PLXNA4: variants seen among roughly 807,000 people sequenced by gnomAD.
PLXNA4 encodes the protein plexin A4.
In PLXNA4, 44 loss-of-function variants were observed where a neutral mutation model predicts 191.8. The observed-to-expected ratio is 0.23, with a 90% CI of 0.18 to 0.29. The LOEUF (loss-of-function observed/expected upper bound fraction) is 0.29. PLXNA4 is among the 10% of genes least tolerant of loss of function. PLXNA4 has a pLI of 1.00. For missense variants in PLXNA4, 1,800 were observed against 2,488.8 expected, an observed-to-expected ratio of 0.72 and a Z score of 5.89; for synonymous variants, 1,082 against 1,009.5, an observed-to-expected ratio of 1.07 and a Z score of -1.36.
At chr7:132,636,681 T>C (rs777036439) in intron 2 of PLXNA4, among the ~76,000 whole-genome samples, 10 of 152,148 alleles carry the variant, frequency 6.6e-5, no homozygotes, top group Non-Finnish European at 1.3e-4. Flanking sequence ...AGATTTCATA[T>C]GATGCCACCC....
chr7:132,252,460 C>T (rs908122450), intron 4 of PLXNA4, among the ~76,000 whole-genome samples: 2 of 151,690 alleles, frequency 1.3e-5, no homozygotes, highest in African/African-American at 2.4e-5. Flanking sequence ...TACAGGTGCA[C>T]GCCACCACAC....
At chr7:132,579,366 T>C (rs1051488752), upstream of PLXNA4, among the ~76,000 whole-genome samples, 1 of 152,088 alleles carries the variant, frequency 6.6e-6, no homozygotes, top group African/African-American at 2.4e-5. Flanking sequence ...TTCTCAGTCA[T>C]TCTAGCATGT....
At chr7:132,334,609 T>C (rs1023406862) in intron 3 of PLXNA4, among the ~76,000 whole-genome samples, 3 of 152,116 alleles carry the variant, frequency 2.0e-5, no homozygotes, top group South Asian at 4.1e-4. Flanking sequence ...TCTGTGGTGA[T>C]TGCAAACAAT....
chr7:132,427,634 A>G (rs1040078797), intron 3 of PLXNA4, among the ~76,000 whole-genome samples: 2 of 152,162 alleles, frequency 1.3e-5, no homozygotes, highest in Non-Finnish European at 2.9e-5. Context: ...GGCTGGTGGA[A>G]AGAGCTCTGG....
At position 132,140,669 on chromosome 7, in the gene PLXNA4, C is replaced by T. The variant is rs187787425; in HGVS notation, c.5368G>A (p.Gly1790Ser). ...AGCTTGTTGGAGGGCGAGTCCTTGC[C>T]CAGCCGGTGCTCTGACGTGGAGCAA... ...DSCSTSEHRL[G>S]KDSPSNKLLY... The change falls in exon 30 of 32, where the codon GGC becomes AGC. Residue 1790 changes from glycine to serine, a missense_variant. Around this residue, in one of 6 missense-constraint regions of PLXNA4, gnomAD observed 101 missense variants for 182.8 expected, o/e 0.55. Coordinates refer to ENST00000321063, the MANE Select transcript of PLXNA4 (RefSeq NM_020911.2). 7.4e-6 allele frequency: 12 copies of T among 1,614,034 alleles called. No homozygotes were observed. Among genetic ancestry groups the T allele is most frequent in the African/African-American group, 1.3e-5 (1 of 75,002 alleles).
Position 132,192,134 on chromosome 7 carries a change from G to A in PLXNA4, c.2856+1928C>T, listed in dbSNP as rs1045699394. Among the ~76,000 whole-genome samples the A allele has an allele frequency of 4.7e-4, 71 of 152,140 alleles. 1 individual carries two copies. Among genetic ancestry groups the A allele is most frequent in the Non-Finnish European group, 1.9e-4 (13 of 68,032 alleles). On this transcript the variant is annotated intron_variant, in intron 14 of 31. Coordinates refer to ENST00000321063, the MANE Select transcript of PLXNA4 (RefSeq NM_020911.2). The stretch of plus-strand genomic sequence containing the variant: ...GCAGATGCAGGCCCAGTCATGGTGT[G>A]GCACGACACTCACGTTTCTCTAAGG...
intron 2 of PLXNA4, among the ~76,000 whole-genome samples, chr7:132,629,378 G>C (rs776152240): frequency 2.6e-5 from 4 of 152,222 alleles, no homozygotes; most frequent in Non-Finnish European, 5.9e-5. Context: ...ATGTAGACTT[G>C]TAAAGGGCAT....
chr7:132,149,824 C>T (rs543419270), intron 25 of PLXNA4, among the ~76,000 whole-genome samples: 2 of 152,318 alleles, frequency 1.3e-5, no homozygotes, highest in Admixed American at 6.5e-5. Flanking sequence ...TTCTCTTCCT[C>T]GTTTCCCTCC....
intron 2 of PLXNA4, among the ~76,000 whole-genome samples, chr7:132,635,222 C>T (rs931065725): frequency 6.8e-6 from 1 of 148,110 alleles, no homozygotes; most frequent in East Asian, 2.0e-4. Context: ...TTAGTTCTAT[C>T]GCTCTAGAGA....
At chr7:132,429,977 C>G (rs983994856) in intron 3 of PLXNA4, among the ~76,000 whole-genome samples, 3 of 152,164 alleles carry the variant, frequency 2.0e-5, no homozygotes, top group Non-Finnish European at 4.4e-5. Flanking sequence ...CCTAGATGGG[C>G]AAACAATCCC....
intron 3 of PLXNA4, among the ~76,000 whole-genome samples, chr7:132,367,446 G>A (rs1012500286): frequency 1.3e-5 from 2 of 152,012 alleles, no homozygotes; most frequent in South Asian, 2.1e-4. Context: ...GGCAGGGAAG[G>A]AGGGAGATAC....
rs114679597 is a variant in PLXNA4, at chr7:132,349,747, A to G, written c.1372-51525T>C. Among the ~76,000 whole-genome samples the G allele has an allele frequency of 7.7e-3, 1,175 of 152,200 alleles. 14 individuals carry two copies. Among genetic ancestry groups the G allele is most frequent in the African/African-American group, 0.027 (1,115 of 41,516 alleles). On this transcript the variant is annotated intron_variant, in intron 3 of 31. Coordinates refer to ENST00000321063, the MANE Select transcript of PLXNA4 (RefSeq NM_020911.2). ...AACCCCTCTTATATTGAGGATGGGT[A>G]TCCTGTTGCTTTTCACCCCTTGCTG... is the stretch of plus-strand genomic sequence containing the variant.
chr7:132,371,482 T>C (rs1804437714), intron 3 of PLXNA4, among the ~76,000 whole-genome samples: 1 of 152,182 alleles, frequency 6.6e-6, no homozygotes, highest in African/African-American at 2.4e-5. Context: ...CGCTTAGATG[T>C]AGGAGCATAT....
chr7:132,186,795 CA>C (rs1796892328), intron 15 of PLXNA4, among the ~76,000 whole-genome samples: 1 of 152,116 alleles, frequency 6.6e-6, no homozygotes. Context: ...AATTTTGTAA[CA>C]AAGATGATAA....
At chr7:132,578,428 G>A (rs1216128306), upstream of PLXNA4, among the ~76,000 whole-genome samples, 1 of 152,092 alleles carries the variant, frequency 6.6e-6, no homozygotes, top group Non-Finnish European at 1.5e-5. Flanking sequence ...AGAAACTCCC[G>A]CCCATTACTG....
intron 3 of PLXNA4, among the ~76,000 whole-genome samples, chr7:132,397,956 C>T (rs1793830630): frequency 6.6e-6 from 1 of 152,190 alleles, no homozygotes. Flanking sequence ...TCCATCACCC[C>T]AGGCTTTGCC....
At chr7:132,569,365 C>T (rs1801874447) in intron 1 of PLXNA4, among the ~76,000 whole-genome samples, 1 of 152,194 alleles carries the variant, frequency 6.6e-6, no homozygotes, top group Non-Finnish European at 1.5e-5. Flanking sequence ...CACATAGCTT[C>T]TTCCTTGAGC....
At chr7:132,478,635 A>G (rs1451057565) in intron 3 of PLXNA4, among the ~76,000 whole-genome samples, 1 of 152,222 alleles carries the variant, frequency 6.6e-6, no homozygotes, top group Non-Finnish European at 1.5e-5. Context: ...GCACCCATAT[A>G]TGATCTTAGG....
At chr7:132,572,571 G>A (rs899536237) in intron 1 of PLXNA4, among the ~76,000 whole-genome samples, 15 of 152,138 alleles carry the variant, frequency 9.9e-5, no homozygotes, top group Non-Finnish European at 1.9e-4. Flanking sequence ...CAGGAACAAG[G>A]CCTGGGCTCT....
Sources: allele counts gnomAD v4.1 joint callset (sites outside exome capture counted in the v4.1 genomes callset), GRCh38; gene constraint gnomAD v4.1.1; regional missense constraint gnomAD v4.1.1; transcripts MANE v1.5; gene names NCBI Gene and HGNC (gene_info 2026-07-23, HGNC 2026-07-21).